Variants in BRINP3 observed in about 807,000 individuals in gnomAD.
The protein encoded by BRINP3 is BMP/retinoic acid-inducible neural-specific protein 3.
Under a neutral mutation model 71.0 loss-of-function variants are expected in BRINP3, and 19 were observed. The ratio of observed to expected loss-of-function variants is 0.27; its 90% CI spans 0.19 to 0.39. The LOEUF (loss-of-function observed/expected upper bound fraction) is 0.39, where lower values mean the gene tolerates loss of function less well. BRINP3 is among the 10% of genes least tolerant of loss of function. The probability of loss-of-function intolerance (pLI) is 1.00; values close to 1 mark genes in which losing one functional copy is unlikely to be tolerated. For synonymous variants in BRINP3, 380 were observed against 337.7 expected (o/e 1.13, Z -1.37); for missense variants, 959 against 940.8 (o/e 1.02, Z -0.25).
intron 7 of BRINP3, among the ~76,000 whole-genome samples, chr1:190,141,419 A>C (rs947231859): frequency 3.3e-5 from 5 of 152,044 alleles, no homozygotes; most frequent in African/African-American, 9.7e-5. Flanking sequence ...AGTCAAGAAG[A>C]CACTGCACTA....
intron 6 of BRINP3, among the ~76,000 whole-genome samples, chr1:190,162,968 CCTGT>C (rs1034746076): frequency 1.3e-5 from 2 of 151,996 alleles, no homozygotes; most frequent in Non-Finnish European, 2.9e-5. Flanking sequence ...TATGAATAAA[CCTGT>C]CTTTTTATTT....
At chr1:190,297,661 C>G (rs561932659) in intron 2 of BRINP3, among the ~76,000 whole-genome samples, 147 of 151,852 alleles carry the variant, frequency 9.7e-4, no homozygotes, top group South Asian at 1.5e-3. Context: ...CTTCTTTACA[C>G]CGTTCATATT....
intron 7 of BRINP3, among the ~76,000 whole-genome samples, chr1:190,127,368 T>C (rs574841654): frequency 6.6e-6 from 1 of 151,986 alleles, no homozygotes; most frequent in East Asian, 1.9e-4. Flanking sequence ...TAGTTATTCA[T>C]TTATATAAAA....
chr1:190,402,389 G>A (rs1361677700), intron 2 of BRINP3, among the ~76,000 whole-genome samples: 1 of 151,988 alleles, frequency 6.6e-6, no homozygotes, highest in Admixed American at 6.6e-5. Context: ...ACTCCTTATT[G>A]TAAATTAAAA....
intron 1 of BRINP3, among the ~76,000 whole-genome samples, chr1:190,470,255 T>C (rs969038857): frequency 6.6e-6 from 1 of 151,072 alleles, no homozygotes; most frequent in African/African-American, 2.4e-5. Flanking sequence ...AATAAGTCTA[T>C]CTATAAGTAT....
chr1:190,165,229 ACCAAT>A lies in BRINP3; in HGVS notation c.962-4344_962-4340del, dbSNP rs1212171693. Among the ~76,000 whole-genome samples the A allele has an allele frequency of 7.9e-5, 12 of 152,240 alleles. No homozygotes were observed. The East Asian group carries it at 1.9e-3, about 24-fold the overall frequency. On this transcript the variant is annotated intron_variant, in intron 6 of 7. Coordinates refer to ENST00000367462, the MANE Select transcript of BRINP3 (RefSeq NM_199051.3). ...AAATGATCATTTCTGATTTTATATT[ACCAAT>A]CCAATGACTTTAAATCCATTTCTTC...
intron 7 of BRINP3, among the ~76,000 whole-genome samples, chr1:190,114,548 G>A (rs1245750838): frequency 4.0e-5 from 6 of 151,862 alleles, no homozygotes. Flanking sequence ...GTGTGTGTGT[G>A]TGTGTGTGTG....
At chr1:190,348,555 A>C (rs1209312177) in intron 2 of BRINP3, among the ~76,000 whole-genome samples, 1 of 152,136 alleles carries the variant, frequency 6.6e-6, no homozygotes, top group Non-Finnish European at 1.5e-5. Flanking sequence ...TGGTTGTATA[A>C]AGAATTCTAA....
At chr1:190,382,449 G>A (rs1670606124) in intron 2 of BRINP3, among the ~76,000 whole-genome samples, 1 of 152,012 alleles carries the variant, frequency 6.6e-6, no homozygotes, top group South Asian at 2.1e-4. Context: ...CTTCAACTTA[G>A]TAGTGCAAGA....
chr1:190,423,578 G>T (rs564839919), intron 2 of BRINP3, among the ~76,000 whole-genome samples: 1 of 151,568 alleles, frequency 6.6e-6, no homozygotes, highest in Non-Finnish European at 1.5e-5. Flanking sequence ...AAAATGTTGC[G>T]AATTACTTTA....
intron 2 of BRINP3, among the ~76,000 whole-genome samples, chr1:190,448,858 A>T (rs1040786777): frequency 6.6e-6 from 1 of 151,844 alleles, no homozygotes; most frequent in African/African-American, 2.4e-5. Context: ...TTGTCTTTAT[A>T]TGTAGCAGGA....
chr1:190,206,996 G>GT (rs201843251), intron 6 of BRINP3, among the ~76,000 whole-genome samples: 13,724 of 135,296 alleles, frequency 0.1, 862 homozygotes, highest in East Asian at 0.26. Context: ...TTGTTTTTTT[G>GT]TTTTTTTTTT....
At position 190,258,834 on chromosome 1, in the gene BRINP3, G is replaced by T. The variant is rs560632735; in HGVS notation, c.618+6031C>A. On this transcript the variant is annotated intron_variant, in intron 4 of 7. Transcript: ENST00000367462. ...GATAAATGTTTGGAGGAGCCATGTA[G>T]CCACAAGATAAAGCTGAACAAGGGC... is the stretch of plus-strand genomic sequence containing the variant. Among the ~76,000 whole-genome samples the T allele has an allele frequency of 2.0e-5, 3 of 152,252 alleles. No individual in the cohort carries two copies. The South Asian group carries it at 6.2e-4, about 32-fold the overall frequency.
At chr1:190,131,543 T>C (rs1480728263) in intron 7 of BRINP3, among the ~76,000 whole-genome samples, 1 of 152,062 alleles carries the variant, frequency 6.6e-6, no homozygotes. Context: ...ATTTCCTCAA[T>C]GTATCTTTTA....
At chr1:190,131,993 TAGTGTGTAGAAGC>T (rs1196031021) in intron 7 of BRINP3, among the ~76,000 whole-genome samples, 1 of 152,062 alleles carries the variant, frequency 6.6e-6, no homozygotes, top group Non-Finnish European at 1.5e-5. Flanking sequence ...CTATCCTGGC[TAGTGTGTAGAAGC>T]AAAGGACTTG....
intron 2 of BRINP3, among the ~76,000 whole-genome samples, chr1:190,295,335 C>T (rs969026353): frequency 2.0e-5 from 3 of 152,088 alleles, no homozygotes; most frequent in Admixed American, 1.3e-4. Flanking sequence ...GGCAAAGCCC[C>T]TGTACTCTTC....
intron 6 of BRINP3, among the ~76,000 whole-genome samples, chr1:190,193,984 G>C (rs1270267715): frequency 6.6e-6 from 1 of 151,978 alleles, no homozygotes; most frequent in Non-Finnish European, 1.5e-5. Context: ...CCCACCTTTT[G>C]TTTAAATGAC....
At chr1:190,122,344 A>T (rs1653736866) in intron 7 of BRINP3, among the ~76,000 whole-genome samples, 1 of 152,054 alleles carries the variant, frequency 6.6e-6, no homozygotes, top group Non-Finnish European at 1.5e-5. Context: ...ACATCATCTT[A>T]TTTGGAAATA....
At chr1:190,148,728 A>C (rs879638768) in intron 7 of BRINP3, among the ~76,000 whole-genome samples, 4 of 152,012 alleles carry the variant, frequency 2.6e-5, no homozygotes, top group Non-Finnish European at 4.4e-5. Flanking sequence ...TTCTTTTAAC[A>C]GTCTACTGTA....
Sources: gnomAD v4.1 joint callset for allele counts (sites outside exome capture counted in the v4.1 genomes callset) on GRCh38, gnomAD v4.1.1 for gene constraint, MANE v1.5 for transcripts, NCBI Gene and HGNC (gene_info 2026-07-23, HGNC 2026-07-21) for gene names.